AP3M2: variants seen among roughly 807,000 people sequenced by gnomAD.
AP3M2 encodes adaptor related protein complex 3 subunit mu 2.
AP3M2 carries 28 observed loss-of-function variants against 41.6 expected under a neutral mutation model. That is an observed-to-expected ratio of 0.67 (90% CI 0.50 to 0.92). The LOEUF (loss-of-function observed/expected upper bound fraction) is 0.92. Among genes scored for constraint, AP3M2 ranks in the 40% least tolerant of loss-of-function variants. The pLI, the probability that AP3M2 is intolerant of heterozygous loss-of-function variation, is 0.00. For synonymous variants in AP3M2, 193 were observed against 186.4 expected (o/e 1.04, Z -0.29); for missense variants, 427 against 521.4 (o/e 0.82, Z 1.76).
In AP3M2 at chr8:42,154,630, A is replaced by C; in HGVS notation, c.-58A>C. The C allele has an allele frequency of 6.4e-7, 1 of 1,574,700 alleles. No homozygotes were observed. Among genetic ancestry groups the C allele is most frequent in the Non-Finnish European group, 8.6e-7 (1 of 1,165,326 alleles). On this transcript the variant is annotated 5_prime_UTR_variant, in exon 2 of 9. Transcript: ENST00000396926. ...TTTGTTTTTAGAGTTGAAAACTTACAGAGTCCTGAGGCTTTCAGACTGAAA... is the reference window on the plus strand; with the variant it reads ...TTTGTTTTTAGAGTTGAAAACTTACCGAGTCCTGAGGCTTTCAGACTGAAA...
chr8:42,156,006 A>G lies in AP3M2; in HGVS notation c.273+1046A>G, dbSNP rs1413017617. 1.1e-5 allele frequency: 5 copies of G among 455,740 alleles called. No individual in the cohort carries two copies. The East Asian group carries it at 3.5e-4, about 32-fold the overall frequency. 28.2% of individuals were successfully genotyped at this position (455,740 alleles called of 1,614,324 possible). On this transcript the variant is annotated intron_variant, in intron 2 of 8. Transcript: ENST00000396926. Reference sequence around the variant, plus strand: ...CTACTGTTCTGGAATTTCAGTTCTCATGCAACATACCGGCCCCTTTGCACA... The same window carrying G: ...CTACTGTTCTGGAATTTCAGTTCTCGTGCAACATACCGGCCCCTTTGCACA...
intron 2 of AP3M2, chr8:42,155,851 T>C (rs1488407613): frequency 5.3e-6 from 2 of 378,082 alleles, no homozygotes; most frequent in Non-Finnish European, 1.1e-5. Context: ...CCACACACTA[T>C]GATAAAAGTT....
intron 3 of AP3M2, among the ~76,000 whole-genome samples, chr8:42,160,184 A>C (rs573403304): frequency 6.6e-6 from 1 of 152,354 alleles, no homozygotes; most frequent in Admixed American, 6.5e-5. Flanking sequence ...TATAATCCAG[A>C]TATTCCAAAA....
rs370561330 is a variant in AP3M2, at chr8:42,158,116, C to T, written c.445+4C>T. The T allele has an allele frequency of 8.1e-6, 13 of 1,611,406 alleles. No homozygotes were observed. The highest frequency in any genetic ancestry group is 6.7e-5 in the African/African-American group (5 of 74,978). On this transcript the variant is annotated splice_donor_region_variant and intron_variant, in intron 3 of 8. Transcript: ENST00000396926. ...ACGGTTGTCAACACCATCACAGGTACGGCAGAGGGGGAAACTGATAGATAG... is the reference window on the plus strand; with the variant it reads ...ACGGTTGTCAACACCATCACAGGTATGGCAGAGGGGGAAACTGATAGATAG...
intron 8 of AP3M2, 151 bp from the exon 9 acceptor site, chr8:42,168,810 A>G (rs1804708675): frequency 1.9e-6 from 1 of 538,082 alleles, no homozygotes; most frequent in Non-Finnish European, 3.2e-6. Flanking sequence ...ATCTGTCCCA[A>G]GACTGGAGAA....
At position 42,153,095 on chromosome 8, in the gene AP3M2, A is replaced by C. The variant is rs1159108989; in HGVS notation, c.-83A>C. On this transcript the variant is annotated 5_prime_UTR_variant, in exon 1 of 9. Transcript: ENST00000396926. ...CCTAGGAGCAGTGGGCGCTGAGAGCAGCAAGGCCAGGTGAGGAGTAGGGAC... is the reference window on the plus strand; with the variant it reads ...CCTAGGAGCAGTGGGCGCTGAGAGCCGCAAGGCCAGGTGAGGAGTAGGGAC... 1 of 151,380 alleles carries C rather than the reference A, an allele frequency of 6.6e-6. No individual in the cohort carries two copies. Among genetic ancestry groups the C allele is most frequent in the Non-Finnish European group, 1.5e-5 (1 of 67,888 alleles). 9.4% of individuals were successfully genotyped at this position (151,380 alleles called of 1,614,324 possible). A position where few individuals can be genotyped will look rare whatever the true frequency, so the allele number is the denominator to read the frequency against.
intron 3 of AP3M2, among the ~76,000 whole-genome samples, chr8:42,159,318 C>T (rs968035915): frequency 2.6e-5 from 4 of 152,148 alleles, no homozygotes; most frequent in Non-Finnish European, 5.9e-5. Context: ...ATGTGTTGCT[C>T]TCCAGAAAAG....
rs1804765272 is a variant in AP3M2 at position 42,170,366 on chromosome 8, C to G, written c.*1305C>G. Reference sequence around the variant, plus strand: ...CTGTAGGAAGATGGACTGTGTTGATCATGGGTGTAAGCAACCCAGTTTAAG... The same window carrying G: ...CTGTAGGAAGATGGACTGTGTTGATGATGGGTGTAAGCAACCCAGTTTAAG... On this transcript the variant is annotated 3_prime_UTR_variant, in exon 9 of 9. Coordinates refer to ENST00000396926, the MANE Select transcript of AP3M2 (RefSeq NM_006803.4). 6.6e-6 allele frequency: 1 copy of G among 152,224 alleles called. No individual in the cohort carries two copies. The highest frequency in any genetic ancestry group is 2.4e-5 in the African/African-American group (1 of 41,452). The allele number at this position is 152,224 out of a possible 1,614,324, so 9.4% of individuals were successfully genotyped here.
intron 2 of AP3M2, 90 bp downstream of exon 2, chr8:42,155,050 TAAAAA>T (rs888746844): frequency 4.2e-6 from 4 of 958,724 alleles, no homozygotes; most frequent in Admixed American, 2.7e-5. Context: ...TTAAGAAACT[TAAAAA>T]AAAAAATCAA....
chr8:42,168,598 A>T (rs1804703310), intron 8 of AP3M2, among the ~76,000 whole-genome samples: 1 of 152,180 alleles, frequency 6.6e-6, no homozygotes, highest in African/African-American at 2.4e-5. Context: ...TTCATTGTTA[A>T]TTCCTTTATT....
chr8:42,162,228 G>A, intron 3 of AP3M2, 53 bp from the exon 4 acceptor site: 1 of 1,538,182 alleles, frequency 6.5e-7, no homozygotes. Context: ...GAGGTGTTCT[G>A]TGGTTTCTAG....
Position 42,165,069 on chromosome 8 carries a change from A to G in AP3M2, c.584-2A>G. 1 of 1,613,012 alleles carries G rather than the reference A, an allele frequency of 6.2e-7. No homozygotes were observed. The highest frequency in any genetic ancestry group is 8.5e-7 in the Non-Finnish European group (1 of 1,179,504). On this transcript the variant is annotated splice_acceptor_variant, in intron 4 of 8. Coordinates refer to ENST00000396926, the MANE Select transcript of AP3M2 (RefSeq NM_006803.4). LOFTEE classifies it high-confidence loss of function. Reference sequence around the variant, plus strand: ...GTTCTTTTTGTCTTATTCCTGTCTCAGGCTCCACAATTACTGCTGAGATCC... The same window carrying G: ...GTTCTTTTTGTCTTATTCCTGTCTCGGGCTCCACAATTACTGCTGAGATCC...
In AP3M2 at chr8:42,165,549, C is replaced by T; in HGVS notation, c.792C>T (p.Val264=). The stretch of plus-strand genomic sequence containing the variant: ...ACTTCCGCCTGCTGTCTTACCATGT[C>T]AGTGCACAGAAGTAAGCAGCTCTTA... ...DGNFRLLSYH[V]SAQNLVAIPV... is the part of the protein sequence containing the mutation. The change falls in exon 6 of 9, where the codon GTC becomes GTT. Residue 264 remains valine, a synonymous_variant. Transcript: ENST00000396926. 6.2e-7 allele frequency: 1 copy of T among 1,614,132 alleles called. No homozygotes were observed. Among genetic ancestry groups the T allele is most frequent in the South Asian group, 1.1e-5 (1 of 91,080 alleles).
In AP3M2 at chr8:42,162,395, T is replaced by G. The variant is rs1453603603; in HGVS notation, c.560T>G (p.Ile187Ser). 1.2e-6 allele frequency: 2 copies of G among 1,607,256 alleles called. No individual in the cohort carries two copies. Among genetic ancestry groups the G allele is most frequent in the Non-Finnish European group, 1.7e-6 (2 of 1,176,888 alleles). The change falls in exon 4 of 9, where the codon ATT becomes AGT. Residue 187 changes from isoleucine (I) to serine (S), a missense_variant. Ile to Ser is a moderately radical substitution (Grantham distance 142, BLOSUM62 -2). Around this residue, in one of 3 missense-constraint regions of AP3M2, gnomAD observed 86 missense variants for 142.6 expected, o/e 0.60. Coordinates refer to ENST00000396926, the MANE Select transcript of AP3M2 (RefSeq NM_006803.4). ...NEAYFDVIEE[I>S]DAIIDKSGST... Reference sequence around the variant, plus strand: ...GCCTATTTTGATGTGATTGAAGAGATTGATGCAATTATTGATAAATCAGGT... The same window carrying G: ...GCCTATTTTGATGTGATTGAAGAGAGTGATGCAATTATTGATAAATCAGGT...
chr8:42,164,114 G>C (rs974302154), intron 4 of AP3M2, among the ~76,000 whole-genome samples: 1 of 152,204 alleles, frequency 6.6e-6, no homozygotes, highest in Non-Finnish European at 1.5e-5. Flanking sequence ...AGTGCAATGA[G>C]GACAGAGAGG....
At chr8:42,154,457 C>A in intron 1 of AP3M2, 159 bp from the exon 2 acceptor site, 1 of 536,056 alleles carries the variant, frequency 1.9e-6, no homozygotes, top group Non-Finnish European at 3.3e-6. Context: ...GATGACTGAT[C>A]ATTATCGTTT....
chr8:42,166,992 AAG>A, intron 6 of AP3M2, 170 bp from the exon 7 acceptor site: 1 of 618,886 alleles, frequency 1.6e-6, no homozygotes, highest in Non-Finnish European at 2.8e-6. Flanking sequence ...GCTTTTCAAA[AAG>A]AAAAAATTAG....
rs1804299129 is a variant in AP3M2, at chr8:42,154,430, T to C, written c.-72-186T>C. ...GGGCGATAGTAAAGATAACTGGGAGTATATGATTGACAGTCAGATGACTGA... is the reference window on the plus strand; with the variant it reads ...GGGCGATAGTAAAGATAACTGGGAGCATATGATTGACAGTCAGATGACTGA... On this transcript the variant is annotated intron_variant, in intron 1 of 8. Transcript: ENST00000396926. 4 of 434,884 alleles carry C rather than the reference T, an allele frequency of 9.2e-6. No individual in the cohort carries two copies. The South Asian group carries it at 1.3e-4, about 15-fold the overall frequency. 26.9% of individuals were successfully genotyped at this position (434,884 alleles called of 1,614,324 possible).
intron 2 of AP3M2, among the ~76,000 whole-genome samples, chr8:42,155,382 C>T (rs1212615026): frequency 6.6e-6 from 1 of 152,204 alleles, no homozygotes; most frequent in East Asian, 1.9e-4. Flanking sequence ...CTTAATTTAA[C>T]TCTCCCAGTC....
Sources: allele counts gnomAD v4.1 joint callset (sites outside exome capture counted in the v4.1 genomes callset), GRCh38; gene constraint gnomAD v4.1.1; regional missense constraint gnomAD v4.1.1; transcripts MANE v1.5; gene names NCBI Gene and HGNC (gene_info 2026-07-23, HGNC 2026-07-21).